The following ERI1 variants were observed in gnomAD, a reference collection of about 807,000 sequenced individuals.
ERI1 encodes 3'-5' exoribonuclease 1.
A neutral mutation model predicts 39.7 loss-of-function variants in ERI1; 39 were observed. The ratio of observed to expected loss-of-function variants is 0.98; its 90% CI spans 0.76 to 1.28. The LOEUF (loss-of-function observed/expected upper bound fraction) is 1.28. ERI1 is among the 50% of genes most tolerant of loss of function. The pLI, the probability that ERI1 is intolerant of heterozygous loss-of-function variation, is 0.00. For missense variants in ERI1, 581 were observed against 416.9 expected (o/e 1.39, Z -3.43); for synonymous variants, 204 against 149.6 (o/e 1.36, Z -2.65).
intron 3 of ERI1, among the ~76,000 whole-genome samples, chr8:9,095,687 A>C (rs1585306635): frequency 6.6e-6 from 1 of 152,094 alleles, no homozygotes; most frequent in South Asian, 2.1e-4. Context: ...TGCCGAGCTA[A>C]TTTTTGTGTT....
chr8:9,029,907 G>C lies in ERI1; in HGVS notation c.923G>C (p.Arg308Pro). 1 of 1,614,128 alleles carries C rather than the reference G, an allele frequency of 6.2e-7. No individual in the cohort carries two copies. ...DSKNIARIAVRMLQDGCELRI... is the reference protein window; with the variant it reads ...DSKNIARIAVPMLQDGCELRI... ...AAGAATATCGCCCGAATAGCAGTTC[G>C]AATGCTTCAGGATGGGTGTGAACTC... is the stretch of plus-strand genomic sequence containing the variant. The change falls in exon 7 of 7, where the codon CGA becomes CCA. Residue 308 changes from arginine (R) to proline (P), a missense_variant. Arg to Pro is a moderately radical substitution (Grantham distance 103). Transcript: ENST00000250263.
chr8:9,039,238 G>A (rs967114770), intron 3 of ERI1, among the ~76,000 whole-genome samples: 1 of 152,046 alleles, frequency 6.6e-6, no homozygotes, highest in African/African-American at 2.4e-5. Flanking sequence ...CACCTTTTAG[G>A]ATATAATACT....
intron 6 of ERI1, among the ~76,000 whole-genome samples, chr8:9,023,945 T>C (rs1018442673): frequency 5.3e-5 from 8 of 151,850 alleles, no homozygotes; most frequent in African/African-American, 1.9e-4. Flanking sequence ...ATTACAGGCA[T>C]GTGCCACCAC....
chr8:9,084,591 G>T (rs918826056), intron 3 of ERI1, among the ~76,000 whole-genome samples: 1 of 152,170 alleles, frequency 6.6e-6, no homozygotes, highest in Non-Finnish European at 1.5e-5. Flanking sequence ...ATTTTGACTA[G>T]GACTCGGGCT....
intron 3 of ERI1, among the ~76,000 whole-genome samples, chr8:9,058,310 G>C (rs1442779204): frequency 6.6e-6 from 1 of 152,190 alleles, no homozygotes; most frequent in Non-Finnish European, 1.5e-5. Context: ...TTCTATTTAA[G>C]ACCTCGTAGG....
Position 9,018,309 on chromosome 8 carries a change from A to C in ERI1, c.595A>C (p.Arg199=). 1 of 1,608,582 alleles carries C rather than the reference A, an allele frequency of 6.2e-7. No homozygotes were observed. Among genetic ancestry groups the C allele is most frequent in the Non-Finnish European group, 8.5e-7 (1 of 1,175,668 alleles). The change falls in exon 5 of 7, where the codon AGA becomes CGA. Residue 199 remains arginine (R), a synonymous_variant. Coordinates refer to ENST00000250263, the MANE Select transcript of ERI1 (RefSeq NM_153332.4). ...TTTATATCCTCAGGATCAGGTAGAC[A>C]GAGCTGATACCTTCCCTCAGGTACT... ...LTGITQDQVD[R]ADTFPQVLKK...
chr8:9,020,569 G>A (rs534820067), intron 6 of ERI1, 105 bp downstream of exon 6: 102 of 688,808 alleles, frequency 1.5e-4, no homozygotes, highest in African/African-American at 9.8e-4. Context: ...ATGGAAAAAA[G>A]CCATATAATT....
chr8:9,054,298 C>T (rs112616702), intron 3 of ERI1, among the ~76,000 whole-genome samples: 3,075 of 152,304 alleles, frequency 0.02, 83 homozygotes, highest in South Asian at 0.091. Flanking sequence ...GTTATGTACC[C>T]ACTTCGTCCT....
At chr8:9,003,994 C>G (rs574758442) in intron 1 of ERI1, 37 of 961,698 alleles carry the variant, frequency 3.8e-5, no homozygotes, top group Non-Finnish European at 5.1e-5. Context: ...TGAGTCACTT[C>G]CATTTGCTGC....
At chr8:9,024,849 T>C (rs1177705920) in intron 6 of ERI1, among the ~76,000 whole-genome samples, 2 of 152,140 alleles carry the variant, frequency 1.3e-5, no homozygotes, top group Non-Finnish European at 1.5e-5. Context: ...CCTTTACAAA[T>C]ACTCAATTTT....
intron 3 of ERI1, among the ~76,000 whole-genome samples, chr8:9,092,157 A>T (rs1286492655): frequency 6.6e-6 from 1 of 152,140 alleles, no homozygotes; most frequent in African/African-American, 2.4e-5. Flanking sequence ...GGGTTTCGCC[A>T]TGTTGCCCAG....
At chr8:9,040,096 T>C (rs1797968076) in intron 3 of ERI1, among the ~76,000 whole-genome samples, 1 of 152,190 alleles carries the variant, frequency 6.6e-6, no homozygotes, top group Non-Finnish European at 1.5e-5. Flanking sequence ...AAAAGTAACT[T>C]AGAAGAACAG....
In ERI1 at chr8:9,094,859, T is replaced by A. The variant is rs182406530; in HGVS notation, n.300-21489T>A. On this transcript the variant is annotated intron_variant and non_coding_transcript_variant, in intron 3 of 3. Transcript: ENST00000518663. Reference sequence around the variant, plus strand: ...GATTGGAGAGATTTTTCCTATTTTTTAAAAAAACGTAATCCTTTTATGTAG... The same window carrying A: ...GATTGGAGAGATTTTTCCTATTTTTAAAAAAAACGTAATCCTTTTATGTAG... 5.2e-3 allele frequency among the ~76,000 whole-genome samples: 794 copies of A among 152,238 alleles called. 3 individuals carry two copies. Among genetic ancestry groups the A allele is most frequent in the Non-Finnish European group, 7.5e-3 (509 of 67,998 alleles).
At chr8:9,098,653 C>G (rs557643244) in intron 3 of ERI1, among the ~76,000 whole-genome samples, 4 of 151,994 alleles carry the variant, frequency 2.6e-5, no homozygotes, top group African/African-American at 7.3e-5. Context: ...GCACCAAAAT[C>G]ACAGAAGTCA....
At chr8:9,062,619 C>CCGGGCGTGG (rs1563365786) in intron 3 of ERI1, 12 of 103,038 alleles carry the variant, frequency 1.2e-4, no homozygotes, top group Non-Finnish European at 1.8e-4. Context: ...AGGGGACGGA[C>CCGGGCGTGG]TTAACCTCCA....
At chr8:9,051,324 G>A (rs974141415) in intron 3 of ERI1, among the ~76,000 whole-genome samples, 15 of 152,098 alleles carry the variant, frequency 9.9e-5, no homozygotes, top group Admixed American at 2.6e-4. Flanking sequence ...TGAGGGGGCT[G>A]AAACTGCTAA....
intron 3 of ERI1, among the ~76,000 whole-genome samples, chr8:9,042,714 C>T (rs1250594493): frequency 1.3e-5 from 2 of 152,140 alleles, no homozygotes; most frequent in African/African-American, 2.4e-5. Context: ...ATCCCTAGTG[C>T]GAGAATCAGA....
chr8:9,064,808 G>A (rs1413208982), intron 3 of ERI1, among the ~76,000 whole-genome samples: 4 of 152,196 alleles, frequency 2.6e-5, no homozygotes, highest in Admixed American at 6.5e-5. Context: ...GCGCATCCAT[G>A]TGAAGAGACC....
intron 2 of ERI1, among the ~76,000 whole-genome samples, chr8:9,009,764 T>G (rs1585189003): frequency 6.6e-6 from 1 of 152,188 alleles, no homozygotes; most frequent in Admixed American, 6.5e-5. Context: ...GGTCTCGAGC[T>G]CCAGCTCAAG....
Sources: gnomAD v4.1 joint callset for allele counts (sites outside exome capture counted in the v4.1 genomes callset) on GRCh38, gnomAD v4.1.1 for gene constraint, MANE v1.5 for transcripts, NCBI Gene and HGNC (gene_info 2026-07-23, HGNC 2026-07-21) for gene names.